The following NEURL4 variants were observed in gnomAD, a reference collection of about 807,000 sequenced individuals.
NEURL4 encodes the protein neuralized E3 ubiquitin protein ligase 4.
A neutral mutation model predicts 148.0 loss-of-function variants in NEURL4; 45 were observed. The observed-to-expected ratio is 0.30, with a 90% CI of 0.24 to 0.39. The LOEUF is 0.39. Among genes scored for constraint, NEURL4 ranks in the 10% least tolerant of loss-of-function variants. The pLI is 1.00. For synonymous variants in NEURL4, 854 were observed against 869.0 expected, an observed-to-expected ratio of 0.98 and a Z score of 0.30; for missense variants, 1,776 against 2,144.0, an observed-to-expected ratio of 0.83 and a Z score of 3.39.
In NEURL4 at chr17:7,318,892, A is replaced by G. The variant is rs1460614846; in HGVS notation, c.3684+158T>C. ...CACCGCAGGAAGCAGCAGGCCTAAG[A>G]CTGACCAGGCAATGCTACTCGCCCT... On this transcript the variant is annotated intron_variant, in intron 22 of 28. Coordinates refer to ENST00000399464, the MANE Select transcript of NEURL4 (RefSeq NM_032442.3). This position sits in a 1 kb window ranked among gnomAD's most constrained non-coding sequence, Gnocchi z 4.3. Among the ~76,000 whole-genome samples the G allele has an allele frequency of 6.6e-6, 1 of 152,104 alleles. No individual in the cohort carries two copies. Among genetic ancestry groups the G allele is most frequent in the Admixed American group, 6.5e-5 (1 of 15,272 alleles).
intron 21 of NEURL4, among the ~76,000 whole-genome samples, chr17:7,319,700 C>CAAAACA (rs1491299746): frequency 8.5e-6 from 1 of 118,078 alleles, no homozygotes; most frequent in South Asian, 3.4e-4. Flanking sequence ...AACTCCGTCT[C>CAAAACA]AAAAAAAACA....
rs772250333 is a variant in NEURL4 at position 7,321,149 on chromosome 17, C to G, written c.3323G>C (p.Gly1108Ala). Residue 1108 changes from glycine (G) to alanine (A), a missense_variant, in exon 20 of 29, where the codon GGC becomes GCC. By Grantham distance (60) the Gly-to-Ala change is moderately conservative (BLOSUM62 0). Coordinates refer to ENST00000399464, the MANE Select transcript of NEURL4 (RefSeq NM_032442.3). This position sits in a 1 kb window ranked among gnomAD's most constrained non-coding sequence, Gnocchi z 6.3. ...PSPSSDTGSE[G>A]EEDDEGEEHG... ...CTCCTCGCCCTCGTCATCCTCCTCGCCCTCACTGCCGGTGTCTGAACTGGG... is the reference window on the plus strand; with the variant it reads ...CTCCTCGCCCTCGTCATCCTCCTCGGCCTCACTGCCGGTGTCTGAACTGGG... 1.2e-6 allele frequency: 2 copies of G among 1,613,830 alleles called. No homozygotes were observed. Among genetic ancestry groups the G allele is most frequent in the Admixed American group, 1.7e-5 (1 of 59,994 alleles).
intron 21 of NEURL4, among the ~76,000 whole-genome samples, chr17:7,319,552 T>G (rs866054590): frequency 3.0e-4 from 45 of 150,696 alleles, no homozygotes; most frequent in South Asian, 4.2e-4. Flanking sequence ...AATACAAAAT[T>G]AGCCGGGCGT....
Position 7,329,029 on chromosome 17 carries a change from A to G in NEURL4, c.282+2T>C. 6.4e-7 allele frequency: 1 copy of G among 1,573,300 alleles called. No individual in the cohort carries two copies. The highest frequency in any genetic ancestry group is 8.6e-7 in the Non-Finnish European group (1 of 1,157,500). On this transcript the variant is annotated splice_donor_variant, in intron 1 of 28. Transcript: ENST00000399464. LOFTEE classifies it high-confidence loss of function. The stretch of plus-strand genomic sequence containing the variant: ...CTCTGTTCCGCGGTACCAGCGCTGC[A>G]CCTTGCGGTCGATGCGGACGGTGAA...
rs1279453486 is a variant in NEURL4 at position 7,325,153 on chromosome 17, C to A, written c.1631+56G>T. ...CTGCCTTCCACTTCCTTGCCCCGCCCCCCCCCCCCCATTAGAATCCCTTCT... is the reference window on the plus strand; with the variant it reads ...CTGCCTTCCACTTCCTTGCCCCGCCACCCCCCCCCCATTAGAATCCCTTCT... On this transcript the variant is annotated intron_variant, in intron 8 of 28. Transcript: ENST00000399464. 7.5e-5 allele frequency: 36 copies of A among 477,342 alleles called. No individual in the cohort carries two copies. The Admixed American group carries it at 8.7e-4, about 12-fold the overall frequency. The allele number at this position is 477,342 out of a possible 1,614,324, so 29.6% of individuals were successfully genotyped here.
chr17:7,326,206 A>C lies in NEURL4; in HGVS notation c.1293+49T>G. 1.3e-6 allele frequency: 2 copies of C among 1,553,686 alleles called. No homozygotes were observed. The highest frequency in any genetic ancestry group is 1.8e-6 in the Non-Finnish European group (2 of 1,130,340). On this transcript the variant is annotated intron_variant, in intron 6 of 28. Coordinates refer to ENST00000399464, the MANE Select transcript of NEURL4 (RefSeq NM_032442.3). The surrounding 1 kb of genome is among the most constrained non-coding windows in gnomAD (Gnocchi z 6.0). ...TGGTGCCCTGGCAGGGACACAGAGTACCTGTGGCTCTGCTGAAAGCGGCCC... is the reference window on the plus strand; with the variant it reads ...TGGTGCCCTGGCAGGGACACAGAGTCCCTGTGGCTCTGCTGAAAGCGGCCC...
In NEURL4 at chr17:7,318,572, C is replaced by T. The variant is rs763583170; in HGVS notation, c.3787G>A (p.Val1263Met). ...TCTGGCACAGCTACCCCCTGGTCCA[C>T]CCCATTAACATGAAGATGCAGCCCC... ...SGGLHLHVNG[V>M]DQGVAVPDVP... The change falls in exon 23 of 29, where the codon GTG becomes ATG. Residue 1263 changes from valine (V) to methionine (M), a missense_variant. Transcript: ENST00000399464. This position sits in a 1 kb window ranked among gnomAD's most constrained non-coding sequence, Gnocchi z 4.3. The T allele has an allele frequency of 6.2e-7, 1 of 1,614,000 alleles. No homozygotes were observed. Among genetic ancestry groups the T allele is most frequent in the Admixed American group, 1.7e-5 (1 of 59,972 alleles).
chr17:7,316,986 G>A (rs1012166292), intron 28 of NEURL4, among the ~76,000 whole-genome samples: 5 of 152,090 alleles, frequency 3.3e-5, no homozygotes, highest in African/African-American at 1.2e-4. Context: ...GAGAGAAAAG[G>A]CAGAAGTTCC....
intron 21 of NEURL4, among the ~76,000 whole-genome samples, 165 bp from the exon 22 acceptor site, chr17:7,319,373 T>TC: frequency 2.4e-5 from 2 of 83,962 alleles, no homozygotes; most frequent in African/African-American, 7.9e-5. Flanking sequence ...TTTCTTTCCC[T>TC]CTTTTTTTTT....
intron 8 of NEURL4, 39 bp from the exon 9 acceptor site, chr17:7,325,019 A>G: frequency 6.2e-7 from 1 of 1,607,772 alleles, no homozygotes; most frequent in Non-Finnish European, 8.5e-7. Context: ...TCCCCAACAC[A>G]CGCTCTCAAT....
intron 8 of NEURL4, 46 bp downstream of exon 8, chr17:7,325,163 C>CCCCCAA: frequency 6.6e-6 from 4 of 608,028 alleles, no homozygotes; most frequent in South Asian, 1.7e-5. Context: ...CCCCCCCCCC[C>CCCCCAA]ATTAGAATCC....
Position 7,318,373 on chromosome 17 carries a change from AGTCAGACAGAGCTTG to A in NEURL4, c.3865-32_3865-18del. The A allele has an allele frequency of 6.2e-7, 1 of 1,613,544 alleles. No homozygotes were observed. Among genetic ancestry groups the A allele is most frequent in the Non-Finnish European group, 8.5e-7 (1 of 1,179,522 alleles). On this transcript the variant is annotated intron_variant, in intron 23 of 28. Coordinates refer to ENST00000399464, the MANE Select transcript of NEURL4 (RefSeq NM_032442.3). This position sits in a 1 kb window ranked among gnomAD's most constrained non-coding sequence, Gnocchi z 4.3. ...GATTGTCACCTGCAGGGGAGAGGGTAGTCAGACAGAGCTTGGTCAGACCCCAGGGCCTGCTGATCC... is the reference window on the plus strand; with the variant it reads ...GATTGTCACCTGCAGGGGAGAGGGTAGTCAGACCCCAGGGCCTGCTGATCC...
At position 7,319,305 on chromosome 17, in the gene NEURL4, G is replaced by A. The variant is rs544299713; in HGVS notation, c.3526-97C>T. On this transcript the variant is annotated intron_variant, in intron 21 of 28. Coordinates refer to ENST00000399464, the MANE Select transcript of NEURL4 (RefSeq NM_032442.3). Reference sequence around the variant, plus strand: ...GGGAATACTGCACCTCCCAGAATGTGGCCTGGGATGCTGCCTTTTCTTATG... The same window carrying A: ...GGGAATACTGCACCTCCCAGAATGTAGCCTGGGATGCTGCCTTTTCTTATG... 6.0e-6 allele frequency: 6 copies of A among 1,004,608 alleles called. No individual in the cohort carries two copies. The South Asian group carries it at 8.8e-5, about 15-fold the overall frequency. 62.2% of individuals were successfully genotyped at this position (1,004,608 alleles called of 1,614,324 possible). A position where few individuals can be genotyped will look rare whatever the true frequency, so the allele number is the denominator to read the frequency against.
In NEURL4 at chr17:7,325,709, C is replaced by T; in HGVS notation, c.1298G>A (p.Gly433Asp). The T allele has an allele frequency of 6.2e-7, 1 of 1,613,386 alleles. No individual in the cohort carries two copies. The highest frequency in any genetic ancestry group is 8.5e-7 in the Non-Finnish European group (1 of 1,179,636). ...CEFSLDELQE[G>D]DHIGLTRKSN... is the part of the protein sequence containing the mutation. Reference sequence around the variant, plus strand: ...CTTCCTTGTGAGGCCAATGTGGTCACCCTCCTAATCAAAGAAGACAAACAG... The same window carrying T: ...CTTCCTTGTGAGGCCAATGTGGTCATCCTCCTAATCAAAGAAGACAAACAG... Residue 433 changes from glycine (G) to aspartate (D), a missense_variant, in exon 7 of 29, where the codon GGT (glycine) becomes GAT (aspartate). Coordinates refer to ENST00000399464, the MANE Select transcript of NEURL4 (RefSeq NM_032442.3).
chr17:7,321,300 T>C lies in NEURL4; in HGVS notation c.3199-27A>G, dbSNP rs1303567241. On this transcript the variant is annotated intron_variant, in intron 19 of 28. Coordinates refer to ENST00000399464, the MANE Select transcript of NEURL4 (RefSeq NM_032442.3). The surrounding 1 kb of genome is among the most constrained non-coding windows in gnomAD (Gnocchi z 6.3). Reference sequence around the variant, plus strand: ...TGGGAGGCACACAAGACCCAGAAAATCAGAGATCAGCAGAAGACCTCAACC... The same window carrying C: ...TGGGAGGCACACAAGACCCAGAAAACCAGAGATCAGCAGAAGACCTCAACC... 13 of 1,612,290 alleles carry C rather than the reference T, an allele frequency of 8.1e-6. No individual in the cohort carries two copies. The highest frequency in any genetic ancestry group is 1.1e-5 in the Non-Finnish European group (13 of 1,179,008).
In NEURL4 at chr17:7,317,778, C is replaced by T; in HGVS notation, c.4205+10G>A. The T allele has an allele frequency of 6.2e-7, 1 of 1,612,608 alleles. No homozygotes were observed. The highest frequency in any genetic ancestry group is 8.5e-7 in the Non-Finnish European group (1 of 1,179,596). Reference sequence around the variant, plus strand: ...CAGTAGGGGAAAGGCATGACCTTGCCCATATGTACCTGAGGTTGAACCTGC... The same window carrying T: ...CAGTAGGGGAAAGGCATGACCTTGCTCATATGTACCTGAGGTTGAACCTGC... On this transcript the variant is annotated intron_variant, in intron 26 of 28. Transcript: ENST00000399464.
At chr17:7,319,256 C>G in intron 21 of NEURL4, 48 bp from the exon 22 acceptor site, 1 of 1,541,440 alleles carries the variant, frequency 6.5e-7, no homozygotes, top group Admixed American at 1.8e-5. Flanking sequence ...TGGGAAGAAC[C>G]AGGCTCCGCA....
chr17:7,327,686 C>T lies in NEURL4; in HGVS notation c.481G>A (p.Val161Met), dbSNP rs756859804. 43 of 1,613,944 alleles carry T rather than the reference C, an allele frequency of 2.7e-5. No homozygotes were observed. Among genetic ancestry groups the T allele is most frequent in the Admixed American group, 1.8e-4 (11 of 60,016 alleles). ...AGCTCCCCAGCAACTGTGCGCTCCA[C>T]GCCCACGCGGTCCCCTTCACCAAGC... ...DQLGEGDRVG[V>M]ERTVAGELRL... is the part of the protein sequence containing the mutation. The change falls in exon 2 of 29, where the codon GTG (valine) becomes ATG (methionine). Residue 161 changes from valine to methionine, a missense_variant. Physicochemically the swap from Val to Met is conservative, Grantham distance 21. Coordinates refer to ENST00000399464, the MANE Select transcript of NEURL4 (RefSeq NM_032442.3). The surrounding 1 kb of genome is among the most constrained non-coding windows in gnomAD (Gnocchi z 6.6).
At chr17:7,325,145 G>GGGGGGGGGGGGGC in intron 8 of NEURL4, 64 bp downstream of exon 8, 2 of 830,660 alleles carry the variant, frequency 2.4e-6, no homozygotes, top group Non-Finnish European at 1.8e-6. Flanking sequence ...CCACTTCCTT[G>GGGGGGGGGGGGGC]CCCCGCCCCC....
Sources: allele counts gnomAD v4.1 joint callset (sites outside exome capture counted in the v4.1 genomes callset), GRCh38; gene constraint gnomAD v4.1.1; non-coding constraint Gnocchi (gnomAD v3.1); transcripts MANE v1.5; gene names NCBI Gene and HGNC (gene_info 2026-07-23, HGNC 2026-07-21).